The following PALM2AKAP2 variants were observed in gnomAD, a reference collection of about 807,000 sequenced individuals.
The protein encoded by PALM2AKAP2 is PALM2 and AKAP2 fusion, also known as PALM2-AKAP2 fusion protein.
In PALM2AKAP2, 37 loss-of-function variants were observed where a neutral mutation model predicts 71.5. That is an observed-to-expected ratio of 0.52 (90% CI 0.40 to 0.68). The LOEUF is 0.68. Ranked by LOEUF, PALM2AKAP2 falls within the 30% of genes least tolerant of loss-of-function variation. The pLI, the probability that PALM2AKAP2 is intolerant of heterozygous loss-of-function variation, is 0.00. For synonymous variants in PALM2AKAP2, 468 were observed against 478.8 expected (o/e 0.98, Z 0.29); for missense variants, 1,224 against 1,191.8 (o/e 1.03, Z -0.40).
rs1392896046 is a variant in PALM2AKAP2 at position 110,064,513 on chromosome 9, G to A, written c.156+15658G>A. ...TCCCAGAACATTGGAAGGCTGAGAT[G>A]CGAAGATTGCTTGAAGCCAGGAGTT... On this transcript the variant is annotated intron_variant, in intron 1 of 3. Transcript: ENST00000374525. Among the ~76,000 whole-genome samples the A allele has an allele frequency of 2.0e-5, 3 of 152,210 alleles. No homozygotes were observed. The East Asian group carries it at 5.8e-4, about 29-fold the overall frequency.
chr9:109,660,438 C>T (rs1038332439), intron 1 of PALM2AKAP2, among the ~76,000 whole-genome samples: 12 of 151,980 alleles, frequency 7.9e-5, no homozygotes, highest in Non-Finnish European at 1.8e-4. Flanking sequence ...TGAGTGAGAA[C>T]ATGCTGTGTT....
intron 7 of PALM2AKAP2, among the ~76,000 whole-genome samples, chr9:110,029,414 T>G (rs1031328392): frequency 2.2e-4 from 33 of 152,220 alleles, no homozygotes; most frequent in Non-Finnish European, 4.4e-4. Context: ...CTCTGAGTGG[T>G]CACCCTAAAA....
chr9:110,103,183 G>A (rs774449612), intron 1 of PALM2AKAP2, among the ~76,000 whole-genome samples: 3 of 152,114 alleles, frequency 2.0e-5, no homozygotes, highest in Non-Finnish European at 4.4e-5. Context: ...GCAATTTTAC[G>A]TTTGTTCGTA....
intron 1 of PALM2AKAP2, among the ~76,000 whole-genome samples, chr9:109,716,824 T>C (rs1194023152): frequency 1.3e-5 from 2 of 151,952 alleles, no homozygotes; most frequent in African/African-American, 4.8e-5. Flanking sequence ...AGAAAACCAG[T>C]TGGGTGATGT....
chr9:110,165,627 T>C (rs1321230773), intron 3 of PALM2AKAP2, among the ~76,000 whole-genome samples: 1 of 152,154 alleles, frequency 6.6e-6, no homozygotes, highest in Non-Finnish European at 1.5e-5. Flanking sequence ...AAAAGAGAGC[T>C]CATTGTTGGT....
At chr9:109,750,571 CGTGTGT>C (rs111708702) in intron 1 of PALM2AKAP2, among the ~76,000 whole-genome samples, 1 of 147,204 alleles carries the variant, frequency 6.8e-6, no homozygotes, top group Admixed American at 6.8e-5. Context: ...TGCCCTAGGA[CGTGTGT>C]GTGTGTGTGT....
chr9:110,004,146 A>G (rs1832733241), intron 6 of PALM2AKAP2, among the ~76,000 whole-genome samples: 1 of 152,186 alleles, frequency 6.6e-6, no homozygotes, highest in South Asian at 2.1e-4. Flanking sequence ...ACAATTTGAC[A>G]TGTTTTCGCA....
At chr9:110,138,203 C>T (rs1367613470) in exon 2 of PALM2AKAP2, 4 of 1,612,500 alleles carry the variant, frequency 2.5e-6, no homozygotes, top group African/African-American at 2.7e-5. Flanking sequence ...GGAAAGGGGG[C>T]CCCCCCAGCC....
intron 1 of PALM2AKAP2, among the ~76,000 whole-genome samples, chr9:110,080,782 G>C (rs989828864): frequency 1.3e-5 from 2 of 152,050 alleles, no homozygotes; most frequent in African/African-American, 4.8e-5. Context: ...GGGTTCAAGC[G>C]ATTCTCCTGC....
chr9:109,686,266 T>G (rs764882870), intron 1 of PALM2AKAP2, among the ~76,000 whole-genome samples: 1 of 152,216 alleles, frequency 6.6e-6, no homozygotes, highest in Non-Finnish European at 1.5e-5. Flanking sequence ...GGGTAATCCT[T>G]TCCAGAAGGT....
intron 1 of PALM2AKAP2, among the ~76,000 whole-genome samples, chr9:109,820,015 G>C (rs991943743): frequency 1.3e-5 from 2 of 151,590 alleles, no homozygotes; most frequent in African/African-American, 4.9e-5. Context: ...TGATGCAGCA[G>C]TTACAAGTAG....
chr9:110,024,151 G>A (rs901810775), intron 7 of PALM2AKAP2, among the ~76,000 whole-genome samples: 2 of 151,940 alleles, frequency 1.3e-5, no homozygotes, highest in Admixed American at 6.6e-5. Context: ...CCCCCAGGTA[G>A]GTATATGATT....
At chr9:109,824,718 A>T (rs1252455371) in intron 1 of PALM2AKAP2, among the ~76,000 whole-genome samples, 1 of 152,198 alleles carries the variant, frequency 6.6e-6, no homozygotes, top group Non-Finnish European at 1.5e-5. Flanking sequence ...AGGCAGATGT[A>T]TGTATGTTTG....
At chr9:109,780,096 C>A (rs933306862), upstream of PALM2AKAP2, among the ~76,000 whole-genome samples, 1 of 151,162 alleles carries the variant, frequency 6.6e-6, no homozygotes, top group Non-Finnish European at 1.5e-5. Flanking sequence ...CGCCTTGGAC[C>A]GCGGCCTCGG....
intron 1 of PALM2AKAP2, among the ~76,000 whole-genome samples, chr9:109,864,251 A>G (rs961401429): frequency 2.6e-5 from 4 of 152,208 alleles, no homozygotes; most frequent in African/African-American, 9.6e-5. Flanking sequence ...TTCTAACCCA[A>G]TAAGGAGTTT....
intron 1 of PALM2AKAP2, among the ~76,000 whole-genome samples, chr9:109,675,577 G>A (rs1168408495): frequency 1.3e-5 from 2 of 152,118 alleles, no homozygotes; most frequent in Non-Finnish European, 2.9e-5. Flanking sequence ...TTAACAAAAT[G>A]TCTCCTCATT....
At chr9:109,779,910 G>A (rs1829406834), upstream of PALM2AKAP2, among the ~76,000 whole-genome samples, 1 of 152,132 alleles carries the variant, frequency 6.6e-6, no homozygotes, top group South Asian at 2.1e-4. Flanking sequence ...ACTGGCATCT[G>A]CCCGGTGGAG....
intron 1 of PALM2AKAP2, among the ~76,000 whole-genome samples, chr9:109,662,117 G>C (rs1020765674): frequency 2.0e-5 from 3 of 152,126 alleles, no homozygotes; most frequent in Non-Finnish European, 4.4e-5. Flanking sequence ...TGCAAACAGG[G>C]ACAATTTGAC....
chr9:109,641,777 A>G (rs1006496251), intron 1 of PALM2AKAP2, among the ~76,000 whole-genome samples: 17 of 152,162 alleles, frequency 1.1e-4, no homozygotes, highest in Non-Finnish European at 2.5e-4. Flanking sequence ...CTGAAATCAT[A>G]TTTCAAGTTA....
Sources: allele counts gnomAD v4.1 joint callset (sites outside exome capture counted in the v4.1 genomes callset), GRCh38; gene constraint gnomAD v4.1.1; transcripts MANE v1.5; gene names NCBI Gene and HGNC (gene_info 2026-07-23, HGNC 2026-07-21).